VANGL1: variants seen among roughly 807,000 people sequenced by gnomAD.
VANGL1 encodes the protein VANGL planar cell polarity protein 1.
A neutral mutation model predicts 48.4 loss-of-function variants in VANGL1; 18 were observed. That is an observed-to-expected ratio of 0.37 (90% CI 0.26 to 0.55). VANGL1 has a LOEUF of 0.55. Ranked by LOEUF, VANGL1 falls within the 20% of genes least tolerant of loss-of-function variation. VANGL1 has a pLI of 0.81. For missense variants in VANGL1, 667 were observed against 675.8 expected (o/e 0.99, Z 0.14); for synonymous variants, 257 against 261.8 (o/e 0.98, Z 0.18).
At chr1:115,646,854 T>C (rs1469345418) in intron 1 of VANGL1, among the ~76,000 whole-genome samples, 3 of 152,230 alleles carry the variant, frequency 2.0e-5, no homozygotes, top group Non-Finnish European at 4.4e-5. Flanking sequence ...CTGACTGAGA[T>C]TGAAGGATCA....
chr1:115,665,544 C>T (rs533475221), intron 4 of VANGL1, among the ~76,000 whole-genome samples: 15 of 152,248 alleles, frequency 9.9e-5, no homozygotes, highest in Non-Finnish European at 1.6e-4. Context: ...TCAGGCCATG[C>T]TGCCAAACCA....
At position 115,683,092 on chromosome 1, in the gene VANGL1, A is replaced by G. The variant is rs186500335; in HGVS notation, c.946+595A>G. Among the ~76,000 whole-genome samples, 9 of 152,358 alleles carry G rather than the reference A, an allele frequency of 5.9e-5. No individual in the cohort carries two copies. The East Asian group carries it at 1.2e-3, about 20-fold the overall frequency. On this transcript the variant is annotated intron_variant, in intron 5 of 7. Transcript: ENST00000355485. ...ACCCTAGGAGAGGATTATATTTTCA[A>G]CAAGTCAAGTGATTTATATACAGTG...
intron 3 of VANGL1, among the ~76,000 whole-genome samples, chr1:115,662,705 T>C (rs1367397400): frequency 6.6e-6 from 1 of 152,222 alleles, no homozygotes; most frequent in Non-Finnish European, 1.5e-5. Flanking sequence ...TGGATTTGCT[T>C]AGCTTGGTCC....
chr1:115,683,904 G>A (rs374597575), intron 5 of VANGL1, 40 bp from the exon 6 acceptor site: 669 of 1,608,722 alleles, frequency 4.2e-4, no homozygotes, highest in Non-Finnish European at 5.0e-4. Context: ...TCCCACCCTC[G>A]TGGTATTAAC....
chr1:115,642,458 G>A (rs2101281126), intron 1 of VANGL1, among the ~76,000 whole-genome samples: 1 of 152,020 alleles, frequency 6.6e-6, no homozygotes, highest in African/African-American at 2.4e-5. Flanking sequence ...GTGCCGGGGC[G>A]GCGGGCAGGC....
intron 7 of VANGL1, among the ~76,000 whole-genome samples, chr1:115,690,595 G>A (rs115874131): frequency 4.6e-5 from 7 of 152,308 alleles, no homozygotes; most frequent in Admixed American, 6.5e-5. Context: ...GTGTCATTGC[G>A]TCCACTAATA....
At chr1:115,645,417 C>T (rs1651877621) in intron 1 of VANGL1, among the ~76,000 whole-genome samples, 1 of 152,166 alleles carries the variant, frequency 6.6e-6, no homozygotes, top group African/African-American at 2.4e-5. Context: ...GTGCTAGGCA[C>T]TGTTCTAATA....
At chr1:115,672,546 G>A (rs899121367) in intron 4 of VANGL1, among the ~76,000 whole-genome samples, 1 of 152,108 alleles carries the variant, frequency 6.6e-6, no homozygotes, top group African/African-American at 2.4e-5. Flanking sequence ...GCAGAAACCT[G>A]TGGATCTCCC....
At chr1:115,667,621 G>A (rs897388692) in intron 4 of VANGL1, among the ~76,000 whole-genome samples, 15 of 152,130 alleles carry the variant, frequency 9.9e-5, no homozygotes, top group Admixed American at 2.0e-4. Flanking sequence ...GCATCACACC[G>A]CTTACCCCAC....
Position 115,663,853 on chromosome 1 carries a change from T to G in VANGL1, c.397T>G (p.Leu133Val), listed in dbSNP as rs141482063. The change falls in exon 4 of 8, where the codon TTA becomes GTA. Residue 133 changes from leucine to valine, a missense_variant. Physicochemically the swap from Leu to Val is conservative, Grantham distance 32. Transcript: ENST00000355485. The part of the protein sequence containing the change: ...VFLTPIAFIL[L>V]PPILWRDELE... Reference sequence around the variant, plus strand: ...CCTCACCCCTATTGCCTTCATCCTTTTACCTCCGATCCTGTGGAGGGATGA... The same window carrying G: ...CCTCACCCCTATTGCCTTCATCCTTGTACCTCCGATCCTGTGGAGGGATGA... 1 of 1,614,116 alleles carries G rather than the reference T, an allele frequency of 6.2e-7. No individual in the cohort carries two copies. Among genetic ancestry groups the G allele is most frequent in the East Asian group, 2.2e-5 (1 of 44,890 alleles).
At chr1:115,649,873 C>T (rs1038397033) in intron 1 of VANGL1, among the ~76,000 whole-genome samples, 5 of 152,154 alleles carry the variant, frequency 3.3e-5, no homozygotes, top group Non-Finnish European at 4.4e-5. Context: ...CCAGGTTGTA[C>T]TAAACAGTGG....
Position 115,691,418 on chromosome 1 carries a change from A to T in VANGL1, c.*39A>T, listed in dbSNP as rs1346755749. The T allele has an allele frequency of 1.3e-6, 2 of 1,583,428 alleles. No individual in the cohort carries two copies. The highest frequency in any genetic ancestry group is 1.7e-6 in the Non-Finnish European group (2 of 1,165,030). On this transcript the variant is annotated 3_prime_UTR_variant, in exon 8 of 8. Transcript: ENST00000355485. ...GTGGCTTTATTAAAAAAAAAAGAAA[A>T]ATATATAGAGAGATATATATCTATG...
chr1:115,663,283 T>C (rs1283219113), intron 3 of VANGL1, among the ~76,000 whole-genome samples: 1 of 152,174 alleles, frequency 6.6e-6, no homozygotes. Flanking sequence ...TTTATCTCTA[T>C]AGATGAGCTC....
chr1:115,668,275 G>A (rs953929016), intron 4 of VANGL1, among the ~76,000 whole-genome samples: 1 of 151,132 alleles, frequency 6.6e-6, no homozygotes, highest in Admixed American at 6.5e-5. Flanking sequence ...CATTTTTTGA[G>A]TGTTTCCCAT....
In VANGL1 at chr1:115,668,989, T is replaced by C. The variant is rs574246410; in HGVS notation, c.812+4721T>C. 2.6e-5 allele frequency among the ~76,000 whole-genome samples: 4 copies of C among 152,368 alleles called. No individual in the cohort carries two copies. The South Asian group carries it at 8.3e-4, about 32-fold the overall frequency. ...AGACAGAGGCTACTAGGATGTTAAG[T>C]TCAATGTCACAGACCCCCACAACCA... On this transcript the variant is annotated intron_variant, in intron 4 of 7. Coordinates refer to ENST00000355485, the MANE Select transcript of VANGL1 (RefSeq NM_138959.3).
intron 4 of VANGL1, among the ~76,000 whole-genome samples, chr1:115,671,731 G>C (rs1217797719): frequency 2.0e-5 from 3 of 152,178 alleles, no homozygotes; most frequent in African/African-American, 4.8e-5. Context: ...GGCGAGGTTT[G>C]TGCCGCGGCC....
rs535079715 is a variant in VANGL1, at chr1:115,688,088, C to T, written c.1314+2561C>T. 3.6e-5 allele frequency among the ~76,000 whole-genome samples: 5 copies of T among 137,164 alleles called. 1 individual carries two copies. The highest frequency in any genetic ancestry group is 7.9e-5 in the Non-Finnish European group (5 of 63,024). The allele number at this position is 137,164 out of a possible 152,430, so 90.0% of individuals were successfully genotyped here. On this transcript the variant is annotated intron_variant, in intron 7 of 7. Coordinates refer to ENST00000355485, the MANE Select transcript of VANGL1 (RefSeq NM_138959.3). ...ATAGATAGAGATTTACATACTACATCTCTCTATACAATGTATATTATCTTT... is the reference window on the plus strand; with the variant it reads ...ATAGATAGAGATTTACATACTACATTTCTCTATACAATGTATATTATCTTT...
At chr1:115,655,350 C>T (rs371571664) in intron 2 of VANGL1, among the ~76,000 whole-genome samples, 2 of 152,200 alleles carry the variant, frequency 1.3e-5, no homozygotes, top group Admixed American at 6.5e-5. Context: ...CTAGCTGGAA[C>T]GAGGAGGGTG....
intron 2 of VANGL1, among the ~76,000 whole-genome samples, chr1:115,656,856 G>A (rs1348967315): frequency 6.6e-6 from 1 of 152,232 alleles, no homozygotes; most frequent in Admixed American, 6.5e-5. Flanking sequence ...ATTTCCAGTG[G>A]AATTTGTGCT....
Sources: gnomAD v4.1 joint callset for allele counts (sites outside exome capture counted in the v4.1 genomes callset) on GRCh38, gnomAD v4.1.1 for gene constraint, MANE v1.5 for transcripts, NCBI Gene and HGNC (gene_info 2026-07-23, HGNC 2026-07-21) for gene names.